The following CKLF variants were observed in gnomAD, a reference collection of about 807,000 sequenced individuals.
CKLF encodes the protein chemokine like factor.
CKLF carries 16 observed loss-of-function variants against 12.9 expected under a neutral mutation model. The observed-to-expected ratio is 1.24, with a 90% CI of 0.84 to 1.88. The LOEUF (loss-of-function observed/expected upper bound fraction) is 1.88, where lower values mean the gene tolerates loss of function less well. Among genes scored for constraint, CKLF ranks in the 40% most tolerant of loss-of-function variants. The pLI is 0.00. For synonymous variants in CKLF, 61 were observed against 69.0 expected (o/e 0.88, Z 0.57); for missense variants, 172 against 188.5 (o/e 0.91, Z 0.51).
At chr16:66,555,079 C>CA (rs1333692786) in intron 1 of CKLF, among the ~76,000 whole-genome samples, 2 of 151,650 alleles carry the variant, frequency 1.3e-5, no homozygotes, top group Non-Finnish European at 2.9e-5. Context: ...ACTAAAAATA[C>CA]AAAAAAAATT....
At chr16:66,559,130 T>A (rs190964790) in intron 2 of CKLF, among the ~76,000 whole-genome samples, 3 of 152,332 alleles carry the variant, frequency 2.0e-5, no homozygotes, top group Admixed American at 2.0e-4. Flanking sequence ...CCTCTTTGGC[T>A]GGACTGATTG....
At chr16:66,555,570 A>C (rs1354285360) in intron 1 of CKLF, among the ~76,000 whole-genome samples, 1 of 152,212 alleles carries the variant, frequency 6.6e-6, no homozygotes, top group African/African-American at 2.4e-5. Flanking sequence ...TGATAAAGCA[A>C]ATGTGAAAAA....
intron 2 of CKLF, among the ~76,000 whole-genome samples, chr16:66,560,545 G>A (rs2144542172): frequency 6.6e-6 from 1 of 152,194 alleles, no homozygotes; most frequent in African/African-American, 2.4e-5. Context: ...TTCAGAAATG[G>A]TGTGAAACTT....
At chr16:66,554,695 A>T (rs1190517427) in intron 1 of CKLF, among the ~76,000 whole-genome samples, 1 of 152,234 alleles carries the variant, frequency 6.6e-6, no homozygotes, top group Non-Finnish European at 1.5e-5. Context: ...AAAGTTGCGT[A>T]ATGAATAGAA....
chr16:66,555,834 C>A (rs2011425425), intron 1 of CKLF, among the ~76,000 whole-genome samples: 1 of 152,042 alleles, frequency 6.6e-6, no homozygotes, highest in Non-Finnish European at 1.5e-5. Context: ...AGGGAGTGCC[C>A]AAAATGTTTA....
At chr16:66,556,170 G>A (rs532278130) in intron 1 of CKLF, among the ~76,000 whole-genome samples, 10 of 152,026 alleles carry the variant, frequency 6.6e-5, no homozygotes, top group Non-Finnish European at 1.3e-4. Flanking sequence ...GAGAACAGTC[G>A]CGGAGGTTTA....
intron 2 of CKLF, among the ~76,000 whole-genome samples, chr16:66,561,719 C>A (rs1597132622): frequency 1.3e-5 from 2 of 152,282 alleles, no homozygotes; most frequent in East Asian, 3.9e-4. Flanking sequence ...TCTGATCTTG[C>A]CCTACCCCCA....
chr16:66,561,744 ACTTT>A (rs1470758040), intron 2 of CKLF, among the ~76,000 whole-genome samples: 1 of 152,118 alleles, frequency 6.6e-6, no homozygotes, highest in Non-Finnish European at 1.5e-5. Flanking sequence ...ACCTGTTCCT[ACTTT>A]CTTTCTAATA....
chr16:66,563,767 A>C (rs937862290), intron 3 of CKLF, among the ~76,000 whole-genome samples: 5 of 152,220 alleles, frequency 3.3e-5, no homozygotes, highest in African/African-American at 9.6e-5. Flanking sequence ...GATCAATTCC[A>C]TCAGACCTCA....
At chr16:66,563,238 T>G in intron 3 of CKLF, 21 bp downstream of exon 3, 1 of 1,611,552 alleles carries the variant, frequency 6.2e-7, no homozygotes, top group Non-Finnish European at 8.5e-7. Flanking sequence ...GTCTTTCTGC[T>G]TGCTTTCTTC....
intron 1 of CKLF, 23 bp downstream of exon 1, chr16:66,552,816 G>T (rs745641076): frequency 6.2e-7 from 1 of 1,613,886 alleles, no homozygotes; most frequent in South Asian, 1.1e-5. Context: ...CGCGGAGGGC[G>T]GGAGGCTGAT....
intron 2 of CKLF, among the ~76,000 whole-genome samples, chr16:66,560,612 C>T (rs1477927644): frequency 3.9e-5 from 6 of 152,008 alleles, no homozygotes; most frequent in Non-Finnish European, 7.3e-5. Context: ...TAACTGAGCT[C>T]GGACTGGCCA....
chr16:66,562,104 A>C (rs2011770598), intron 2 of CKLF, among the ~76,000 whole-genome samples: 1 of 140,044 alleles, frequency 7.1e-6, no homozygotes, highest in Non-Finnish European at 1.6e-5. Context: ...TTTTTTTTTG[A>C]GACGGAGTAA....
chr16:66,566,102 G>C (rs2012275139), downstream of CKLF: 2 of 1,611,640 alleles, frequency 1.2e-6, no homozygotes, highest in South Asian at 1.1e-5. This position sits in a 1 kb window ranked among gnomAD's most constrained non-coding sequence, Gnocchi z 4.9. Flanking sequence ...CTCAGTATAG[G>C]AGCTAGAGGA....
intron 2 of CKLF, 149 bp downstream of exon 2, chr16:66,558,497 G>A: frequency 8.8e-7 from 1 of 1,132,464 alleles, no homozygotes; most frequent in Non-Finnish European, 1.2e-6. Context: ...AATGTGCCCT[G>A]TATTGCTTTG....
At chr16:66,558,455 A>G in intron 2 of CKLF, 107 bp downstream of exon 2, 2 of 1,447,236 alleles carry the variant, frequency 1.4e-6, no homozygotes, top group Non-Finnish European at 1.8e-6. Flanking sequence ...AATCTCTGTT[A>G]GGCTTAGGAA....
chr16:66,565,027 G>GAA (rs16970053), intron 3 of CKLF, among the ~76,000 whole-genome samples: 2 of 151,744 alleles, frequency 1.3e-5, no homozygotes, highest in African/African-American at 4.8e-5. Context: ...GAGAATAAAG[G>GAA]AAAAAAAATG....
At chr16:66,566,152 G>GT, downstream of CKLF, 3 of 1,593,858 alleles carry the variant, frequency 1.9e-6, no homozygotes, top group East Asian at 4.5e-5. The surrounding 1 kb of genome is among the most constrained non-coding windows in gnomAD (Gnocchi z 4.9). Context: ...GAGCACTACT[G>GT]TAACTTCCAA....
intron 1 of CKLF, among the ~76,000 whole-genome samples, chr16:66,555,022 A>G (rs774612805): frequency 6.6e-6 from 1 of 152,138 alleles, no homozygotes; most frequent in Non-Finnish European, 1.5e-5. Context: ...GATCATTTGA[A>G]GTCAGGAGTT....
Sources: gnomAD v4.1 joint callset for allele counts (sites outside exome capture counted in the v4.1 genomes callset) on GRCh38, gnomAD v4.1.1 for gene constraint, Gnocchi (gnomAD v3.1) non-coding constraint, MANE v1.5 for transcripts, NCBI Gene and HGNC (gene_info 2026-07-23, HGNC 2026-07-21) for gene names.